Variants in THSD7A observed in about 807,000 individuals in gnomAD.
THSD7A encodes the protein thrombospondin type-1 domain-containing protein 7A.
A neutral mutation model predicts 231.3 loss-of-function variants in THSD7A; 96 were observed. That is an observed-to-expected ratio of 0.41 (90% CI 0.35 to 0.49). The LOEUF (loss-of-function observed/expected upper bound fraction) is 0.49. THSD7A is among the 20% of genes least tolerant of loss of function. The pLI is 0.05. For synonymous variants in THSD7A, 940 were observed against 743.3 expected, an observed-to-expected ratio of 1.26 and a Z score of -4.30; for missense variants, 2,290 against 2,070.2, an observed-to-expected ratio of 1.11 and a Z score of -2.06.
At chr7:11,539,297 A>C (rs1231236484) in intron 6 of THSD7A, among the ~76,000 whole-genome samples, 1 of 152,234 alleles carries the variant, frequency 6.6e-6, no homozygotes, top group African/African-American at 2.4e-5. Context: ...CATAATAAAA[A>C]AATAATTTTC....
At chr7:11,455,493 T>C (rs892148765) in intron 11 of THSD7A, among the ~76,000 whole-genome samples, 7 of 152,030 alleles carry the variant, frequency 4.6e-5, no homozygotes, top group African/African-American at 1.7e-4. Flanking sequence ...ATAATTGATA[T>C]AAAATTCTGC....
intron 4 of THSD7A, among the ~76,000 whole-genome samples, chr7:11,546,345 C>G (rs577693457): frequency 2.6e-4 from 40 of 152,260 alleles, no homozygotes; most frequent in Admixed American, 2.6e-4. Flanking sequence ...CAGAGTGTTG[C>G]TGCTAGCTGA....
intron 1 of THSD7A, among the ~76,000 whole-genome samples, chr7:11,676,995 A>T (rs995225206): frequency 6.6e-6 from 1 of 152,300 alleles, no homozygotes; most frequent in African/African-American, 2.4e-5. Flanking sequence ...ATGAAAGAAA[A>T]AATGTTAAGG....
chr7:11,791,665 TA>T (rs1275238843), intron 1 of THSD7A, among the ~76,000 whole-genome samples: 1 of 151,996 alleles, frequency 6.6e-6, no homozygotes, highest in Non-Finnish European at 1.5e-5. Context: ...AAAGAGAGCA[TA>T]ACCTATCTAG....
intron 1 of THSD7A, among the ~76,000 whole-genome samples, chr7:11,727,266 T>A (rs1781580606): frequency 1.3e-5 from 2 of 152,070 alleles, no homozygotes; most frequent in South Asian, 4.1e-4. Context: ...CTCTCATTCA[T>A]TCCTTTCCCA....
chr7:11,452,951 C>T (rs17164582), intron 11 of THSD7A, among the ~76,000 whole-genome samples: 9,921 of 151,806 alleles, frequency 0.065, 966 homozygotes, highest in African/African-American at 0.22. Context: ...TTAAAAATTA[C>T]GTCTGTATAA....
chr7:11,636,029 C>G lies in THSD7A; in HGVS notation c.1022+101G>C, dbSNP rs975935066. 2.6e-6 allele frequency: 3 copies of G among 1,137,798 alleles called. No individual in the cohort carries two copies. The African/African-American group carries it at 4.7e-5, about 18-fold the overall frequency. 70.5% of individuals were successfully genotyped at this position (1,137,798 alleles called of 1,614,324 possible). A position where few individuals can be genotyped will look rare whatever the true frequency, so the allele number is the denominator to read the frequency against. The stretch of plus-strand genomic sequence containing the variant: ...TGGGGGTAGCTCATCCTAGGTTGTG[C>G]CCCTACGTAATCCAGAAGTTATTAG... On this transcript the variant is annotated intron_variant, in intron 2 of 27. Coordinates refer to ENST00000423059, the MANE Select transcript of THSD7A (RefSeq NM_015204.3). The surrounding 1 kb of genome is among the most constrained non-coding windows in gnomAD (Gnocchi z 10.0).
chr7:11,797,412 C>CT (rs59662790), intron 1 of THSD7A, among the ~76,000 whole-genome samples: 1,849 of 108,946 alleles, frequency 0.017, 52 homozygotes, highest in South Asian at 0.02. Flanking sequence ...CTGCCTCTCT[C>CT]TTTTTTTTTT....
At position 11,429,115 on chromosome 7, in the gene THSD7A, C is replaced by T. The variant is rs758637143; in HGVS notation, c.3075G>A (p.Glu1025=). The change falls in exon 14 of 28, where the codon GAG becomes GAA. Residue 1025 remains glutamate, a synonymous_variant. Transcript: ENST00000423059. ...TSRCNSHGYI[E]EACIIPCPSD... ...AGGGGCAGGGGATGATGCAGGCCTCCTCAATGTAACCTGAGTAGAGGAAAA... is the reference window on the plus strand; with the variant it reads ...AGGGGCAGGGGATGATGCAGGCCTCTTCAATGTAACCTGAGTAGAGGAAAA... 5 of 1,592,608 alleles carry T rather than the reference C, an allele frequency of 3.1e-6. No homozygotes were observed. The highest frequency in any genetic ancestry group is 3.4e-6 in the Non-Finnish European group (4 of 1,172,374).
chr7:11,432,626 T>C (rs1290419987), intron 13 of THSD7A, among the ~76,000 whole-genome samples: 1 of 152,120 alleles, frequency 6.6e-6, no homozygotes, highest in Non-Finnish European at 1.5e-5. Flanking sequence ...TTATCTACGT[T>C]GGTGCATATT....
At chr7:11,412,071 C>T (rs1783805698) in intron 18 of THSD7A, among the ~76,000 whole-genome samples, 1 of 152,042 alleles carries the variant, frequency 6.6e-6, no homozygotes, top group Non-Finnish European at 1.5e-5. Flanking sequence ...TTCATATAAA[C>T]CAATAAAAGA....
At chr7:11,440,476 T>A (rs1030575754) in intron 13 of THSD7A, among the ~76,000 whole-genome samples, 1 of 152,000 alleles carries the variant, frequency 6.6e-6, no homozygotes, top group Non-Finnish European at 1.5e-5. Flanking sequence ...ATTGAAAACC[T>A]CTGGAAAGGA....
intron 2 of THSD7A, among the ~76,000 whole-genome samples, chr7:11,620,398 A>G (rs531764379): frequency 6.6e-6 from 1 of 152,296 alleles, no homozygotes; most frequent in South Asian, 2.1e-4. Flanking sequence ...TTTTTCACTA[A>G]TGAAATAATA....
At chr7:11,556,388 G>C (rs1288652849) in intron 4 of THSD7A, among the ~76,000 whole-genome samples, 1 of 151,492 alleles carries the variant, frequency 6.6e-6, no homozygotes, top group Non-Finnish European at 1.5e-5. Context: ...TTCAACTAAA[G>C]TATAGAAATC....
chr7:11,480,180 C>T (rs1786365207), intron 7 of THSD7A, among the ~76,000 whole-genome samples: 2 of 152,132 alleles, frequency 1.3e-5, no homozygotes, highest in South Asian at 4.2e-4. Context: ...TTATTGAAGC[C>T]CTACCCTTTC....
intron 13 of THSD7A, among the ~76,000 whole-genome samples, chr7:11,438,329 T>A (rs941676544): frequency 6.6e-6 from 1 of 151,974 alleles, no homozygotes; most frequent in Non-Finnish European, 1.5e-5. Context: ...TATTAAAAGG[T>A]TTTTCCTCAT....
At chr7:11,565,380 C>T (rs1016988686) in intron 4 of THSD7A, among the ~76,000 whole-genome samples, 12 of 152,170 alleles carry the variant, frequency 7.9e-5, no homozygotes, top group African/African-American at 1.4e-4. Context: ...AAAAAATCCA[C>T]AGACTGTCGC....
chr7:11,496,191 G>T (rs1369914251), intron 6 of THSD7A, among the ~76,000 whole-genome samples: 1 of 151,964 alleles, frequency 6.6e-6, no homozygotes, highest in African/African-American at 2.4e-5. Context: ...AGGATTTAGC[G>T]GATATAATTT....
intron 6 of THSD7A, among the ~76,000 whole-genome samples, chr7:11,498,203 TATG>T (rs571741472): frequency 5.5e-4 from 83 of 152,270 alleles, no homozygotes; most frequent in African/African-American, 1.8e-3. Flanking sequence ...TGGCACCTCA[TATG>T]ATAAGACCCA....
Sources: allele counts gnomAD v4.1 joint callset (sites outside exome capture counted in the v4.1 genomes callset), GRCh38; gene constraint gnomAD v4.1.1; non-coding constraint Gnocchi (gnomAD v3.1); transcripts MANE v1.5; gene names NCBI Gene and HGNC (gene_info 2026-07-23, HGNC 2026-07-21).